Variants in FSTL4 observed in about 807,000 individuals in gnomAD.
The protein encoded by FSTL4 is follistatin like 4, also known as follistatin-related protein 4.
In FSTL4, 28 loss-of-function variants were observed where a neutral mutation model predicts 78.2. The ratio of observed to expected loss-of-function variants is 0.36; its 90% CI spans 0.27 to 0.49. FSTL4 has a LOEUF of 0.49. FSTL4 is among the 20% of genes least tolerant of loss of function. The pLI, the probability that FSTL4 is intolerant of heterozygous loss-of-function variation, is 0.98. For missense variants in FSTL4, 922 were observed against 1,084.9 expected, an observed-to-expected ratio of 0.85 and a Z score of 2.11; for synonymous variants, 422 against 440.5, an observed-to-expected ratio of 0.96 and a Z score of 0.53.
rs1251173944 is a variant in FSTL4, at chr5:133,225,638, C to T, written c.1177+20G>A. The stretch of plus-strand genomic sequence containing the variant: ...TTGAATGGGAATATCGCATAGACGT[C>T]TACCAAGGGCAGTTCTTACCTAAAA... On this transcript the variant is annotated intron_variant, in intron 9 of 15. Transcript: ENST00000265342. The surrounding 1 kb of genome is among the most constrained non-coding windows in gnomAD (Gnocchi z 4.6). The T allele has an allele frequency of 5.8e-6, 9 of 1,545,940 alleles. No homozygotes were observed. The highest frequency in any genetic ancestry group is 7.0e-6 in the Non-Finnish European group (8 of 1,145,574).
At chr5:133,417,988 A>G (rs1001921457) in intron 3 of FSTL4, among the ~76,000 whole-genome samples, 6 of 146,792 alleles carry the variant, frequency 4.1e-5, no homozygotes, top group African/African-American at 7.4e-5. Context: ...AAAAAAAAAA[A>G]GAGGTTTCAC....
chr5:133,320,939 A>G (rs1302559074), intron 4 of FSTL4, among the ~76,000 whole-genome samples: 12 of 144,552 alleles, frequency 8.3e-5, no homozygotes, highest in South Asian at 2.2e-4. Context: ...CCCGGGAGGC[A>G]CAGCTTGCAG....
the FSTL4 span, among the ~76,000 whole-genome samples, chr5:133,718,077 T>A: frequency 1.3e-5 from 2 of 151,950 alleles, no homozygotes; most frequent in African/African-American, 4.8e-5. Flanking sequence ...AGTTTGTTTG[T>A]TTGTTTGTTT....
chr5:133,431,094 T>G (rs11743785), intron 3 of FSTL4, among the ~76,000 whole-genome samples: 77,172 of 151,960 alleles, frequency 0.51, 20,435 homozygotes, highest in Non-Finnish European at 0.58. Context: ...TAAGTCAAAG[T>G]TTGCAAATAT....
chr5:133,257,289 C>A (rs1752403464), intron 6 of FSTL4, among the ~76,000 whole-genome samples: 1 of 152,196 alleles, frequency 6.6e-6, no homozygotes. Context: ...TGTCTACAGA[C>A]CCCAGGTTAA....
chr5:133,787,401 C>T, the FSTL4 span, among the ~76,000 whole-genome samples: 1 of 152,198 alleles, frequency 6.6e-6, no homozygotes, highest in African/African-American at 2.4e-5. Flanking sequence ...AAGGGACAAA[C>T]ATGGGAAGGG....
the FSTL4 span, among the ~76,000 whole-genome samples, chr5:133,813,861 C>T: frequency 0.14 from 20,796 of 152,182 alleles, 1,749 homozygotes; most frequent in African/African-American, 0.24. Context: ...TAGGGATCTG[C>T]TTCTAATAGC....
chr5:133,560,287 C>G (rs1213452657), intron 3 of FSTL4, among the ~76,000 whole-genome samples: 1 of 152,234 alleles, frequency 6.6e-6, no homozygotes, highest in African/African-American at 2.4e-5. Flanking sequence ...GAGAGCTGAG[C>G]TCAGCCAGAG....
intron 3 of FSTL4, among the ~76,000 whole-genome samples, chr5:133,496,961 A>G (rs1758378740): frequency 6.6e-6 from 1 of 151,732 alleles, no homozygotes; most frequent in Non-Finnish European, 1.5e-5. Context: ...CCCTACCCCA[A>G]TCCTCTTCCC....
intron 2 of FSTL4, among the ~76,000 whole-genome samples, chr5:133,581,566 G>A (rs1191405649): frequency 2.0e-5 from 3 of 152,378 alleles, no homozygotes; most frequent in Non-Finnish European, 1.5e-5. Context: ...CAAAGGCACA[G>A]GGAAGCTTTG....
chr5:133,279,368 G>A (rs903650882), intron 6 of FSTL4, among the ~76,000 whole-genome samples: 4 of 152,212 alleles, frequency 2.6e-5, no homozygotes, highest in Non-Finnish European at 4.4e-5. Context: ...ATCTGAGGCT[G>A]AACAGTTTTG....
At chr5:133,296,661 T>C (rs1410211976) in intron 6 of FSTL4, among the ~76,000 whole-genome samples, 1 of 152,170 alleles carries the variant, frequency 6.6e-6, no homozygotes, top group Non-Finnish European at 1.5e-5. Flanking sequence ...TGGGCTATCG[T>C]ATTTAATTTT....
chr5:133,778,146 C>A, the FSTL4 span, among the ~76,000 whole-genome samples: 1 of 152,190 alleles, frequency 6.6e-6, no homozygotes, highest in Non-Finnish European at 1.5e-5. Flanking sequence ...GGAACACAGA[C>A]CTTCCACATC....
chr5:133,466,895 AGT>A (rs370779484), intron 3 of FSTL4, among the ~76,000 whole-genome samples: 98 of 150,622 alleles, frequency 6.5e-4, no homozygotes, highest in South Asian at 5.5e-3. Context: ...TGTCAGTGTG[AGT>A]GTGTGTGTGT....
chr5:133,555,610 T>C (rs899168815), intron 3 of FSTL4, among the ~76,000 whole-genome samples: 7 of 152,200 alleles, frequency 4.6e-5, no homozygotes, highest in African/African-American at 7.2e-5. Flanking sequence ...AAATTCCGTA[T>C]AAAGGGGAAA....
chr5:133,836,495 C>A, the FSTL4 span, among the ~76,000 whole-genome samples: 94,384 of 151,984 alleles, frequency 0.62, 29,943 homozygotes, highest in Middle Eastern at 0.8. Context: ...ATTTTTAACC[C>A]TAGAAGACAT....
chr5:133,812,440 A>G, the FSTL4 span, among the ~76,000 whole-genome samples: 2 of 152,106 alleles, frequency 1.3e-5, no homozygotes, highest in African/African-American at 4.8e-5. Context: ...CACCCTTCCT[A>G]TGGGTCTTCC....
intron 6 of FSTL4, among the ~76,000 whole-genome samples, chr5:133,281,749 C>T (rs1236485682): frequency 6.6e-6 from 1 of 152,130 alleles, no homozygotes; most frequent in Non-Finnish European, 1.5e-5. Context: ...CAGTCCCAGC[C>T]CCCAGGACAT....
the FSTL4 span, among the ~76,000 whole-genome samples, chr5:133,841,173 G>A: frequency 6.6e-6 from 1 of 152,182 alleles, no homozygotes; most frequent in African/African-American, 2.4e-5. Flanking sequence ...CACTGGGATG[G>A]GGGCATCTTC....
Sources: gnomAD v4.1 joint callset for allele counts (sites outside exome capture counted in the v4.1 genomes callset) on GRCh38, gnomAD v4.1.1 for gene constraint, Gnocchi (gnomAD v3.1) non-coding constraint, MANE v1.5 for transcripts, NCBI Gene and HGNC (gene_info 2026-07-23, HGNC 2026-07-21) for gene names.